Variants in TOX3 observed in about 807,000 individuals in gnomAD.
TOX3 encodes TOX high mobility group box family member 3.
TOX3 carries 22 observed loss-of-function variants against 64.3 expected under a neutral mutation model. The ratio of observed to expected loss-of-function variants is 0.34; its 90% CI spans 0.24 to 0.49. The LOEUF is 0.49. Among genes scored for constraint, TOX3 ranks in the 20% least tolerant of loss-of-function variants. The pLI is 0.99. For missense variants in TOX3, 661 were observed against 714.4 expected (o/e 0.93, Z 0.85); for synonymous variants, 291 against 273.6 (o/e 1.06, Z -0.63).
intron 1 of TOX3, among the ~76,000 whole-genome samples, chr16:52,483,236 T>C (rs1212424949): frequency 6.6e-6 from 1 of 152,184 alleles, no homozygotes; most frequent in Non-Finnish European, 1.5e-5. Flanking sequence ...GTGGTGACAC[T>C]GAATATCTTA....
At chr16:52,546,573 G>C (rs569629114) in intron 1 of TOX3, 64 bp downstream of exon 1, 1 of 1,460,752 alleles carries the variant, frequency 6.8e-7, no homozygotes, top group South Asian at 1.3e-5. Context: ...GAGCCCGAGC[G>C]CGGGGCGCGC....
chr16:52,531,116 T>C (rs545734879), intron 1 of TOX3, among the ~76,000 whole-genome samples: 8 of 152,224 alleles, frequency 5.3e-5, no homozygotes, highest in African/African-American at 1.7e-4. Flanking sequence ...AAAGCCAGGA[T>C]TGGGGAGGAT....
At chr16:52,546,120 C>G (rs936713027) in intron 1 of TOX3, among the ~76,000 whole-genome samples, 4 of 152,046 alleles carry the variant, frequency 2.6e-5, no homozygotes, top group African/African-American at 7.2e-5. Flanking sequence ...CACTTCCCCC[C>G]ACTCCCCTGT....
chr16:52,438,986 A>T lies in TOX3; in HGVS notation c.*239T>A. ...TATAGCCTGAATAAATAAAAAAGGC[A>T]TCACATAAAAGAGCACAGCTTTTCT... On this transcript the variant is annotated 3_prime_UTR_variant, in exon 7 of 7. Transcript: ENST00000219746. 1.4e-6 allele frequency: 1 copy of T among 693,936 alleles called. No homozygotes were observed. Among genetic ancestry groups the T allele is most frequent in the Non-Finnish European group, 2.6e-6 (1 of 378,510 alleles). 43.0% of individuals were successfully genotyped at this position (693,936 alleles called of 1,614,324 possible).
intron 1 of TOX3, among the ~76,000 whole-genome samples, chr16:52,514,952 A>G (rs1465304631): frequency 7.5e-6 from 1 of 134,058 alleles, no homozygotes; most frequent in African/African-American, 2.8e-5. Flanking sequence ...TGGAGGTTGC[A>G]GTGAGCCAAG....
rs568242113 is a variant in TOX3, at chr16:52,439,730, G to A, written c.1226C>T (p.Ser409Leu). The A allele has an allele frequency of 1.2e-5, 19 of 1,613,958 alleles. No homozygotes were observed. The highest frequency in any genetic ancestry group is 1.6e-4 in the Middle Eastern group (1 of 6,062). ...TSVTIAANMPSNIGAPLISSM... is the reference protein window; with the variant it reads ...TSVTIAANMPLNIGAPLISSM... Reference sequence around the variant, plus strand: ...GCTTATCAGTGGAGCCCCAATGTTCGAGGGCATGTTGGCTGCAATGGTGAC... The same window carrying A: ...GCTTATCAGTGGAGCCCCAATGTTCAAGGGCATGTTGGCTGCAATGGTGAC... The change falls in exon 7 of 7, where the codon TCG becomes TTG. Residue 409 changes from serine to leucine, a missense_variant. By Grantham distance (145) the Ser-to-Leu change is moderately radical. Around this residue, in one of 3 missense-constraint regions of TOX3, gnomAD observed 299 missense variants for 292.1 expected, o/e 1.02. Transcript: ENST00000219746.
At chr16:52,440,984 G>C (rs1257385231) in intron 6 of TOX3, among the ~76,000 whole-genome samples, 1 of 151,738 alleles carries the variant, frequency 6.6e-6, no homozygotes, top group Admixed American at 6.6e-5. Context: ...GGATGGTCTT[G>C]ATCTCCTGAC....
Position 52,546,982 on chromosome 16 carries a change from C to A in TOX3, c.-259G>T. 1.0e-6 allele frequency: 1 copy of A among 975,866 alleles called. No individual in the cohort carries two copies. Among genetic ancestry groups the A allele is most frequent in the South Asian group, 4.6e-5 (1 of 21,800 alleles). 60.5% of individuals were successfully genotyped at this position (975,866 alleles called of 1,614,324 possible). ...CCGCCGGGGCACCGAGGCAGCGCTG[C>A]GCGCGGGCCGGGCGCCGGGGGCGCG... On this transcript the variant is annotated 5_prime_UTR_variant, in exon 1 of 7. Coordinates refer to ENST00000219746, the MANE Select transcript of TOX3 (RefSeq NM_001080430.4).
chr16:52,531,168 C>T (rs1217380134), intron 1 of TOX3, among the ~76,000 whole-genome samples: 2 of 152,036 alleles, frequency 1.3e-5, no homozygotes, highest in Non-Finnish European at 2.9e-5. Context: ...GGCTTTTATG[C>T]CACCAAGAAA....
intron 1 of TOX3, among the ~76,000 whole-genome samples, chr16:52,513,795 G>T (rs1962374879): frequency 1.3e-5 from 2 of 152,294 alleles, no homozygotes; most frequent in East Asian, 3.9e-4. Flanking sequence ...CCTAGTGATT[G>T]TGAATTTAAA....
At chr16:52,506,815 G>A (rs1567340977) in intron 1 of TOX3, among the ~76,000 whole-genome samples, 1 of 152,142 alleles carries the variant, frequency 6.6e-6, no homozygotes, top group Non-Finnish European at 1.5e-5. Context: ...TTAGAGCTCT[G>A]ACTCTCCTTA....
intron 5 of TOX3, chr16:52,445,150 A>T (rs958810308): frequency 6.6e-6 from 1 of 152,252 alleles, no homozygotes; most frequent in Non-Finnish European, 1.5e-5. Context: ...CAAACTAAAA[A>T]GAAATTTCTA....
intron 4 of TOX3, among the ~76,000 whole-genome samples, chr16:52,448,898 C>T (rs2151744891): frequency 6.6e-6 from 1 of 152,300 alleles, no homozygotes; most frequent in East Asian, 1.9e-4. Context: ...CTCATGTTCC[C>T]CATGGGGGAG....
At chr16:52,532,836 G>C (rs1962879150) in intron 1 of TOX3, among the ~76,000 whole-genome samples, 1 of 152,122 alleles carries the variant, frequency 6.6e-6, no homozygotes, top group Non-Finnish European at 1.5e-5. Flanking sequence ...AGGGAACCAG[G>C]AACATGGGGG....
At chr16:52,495,250 G>T (rs1961812813) in intron 1 of TOX3, among the ~76,000 whole-genome samples, 1 of 152,172 alleles carries the variant, frequency 6.6e-6, no homozygotes, top group Non-Finnish European at 1.5e-5. Context: ...AAACAGAAGA[G>T]CTTCCTAATT....
chr16:52,447,977 G>A (rs1295532587), intron 4 of TOX3, among the ~76,000 whole-genome samples: 1 of 152,116 alleles, frequency 6.6e-6, no homozygotes, highest in Admixed American at 6.5e-5. Flanking sequence ...AATAAGAGGA[G>A]TTCAATTTCA....
At chr16:52,546,012 G>A in intron 1 of TOX3, among the ~76,000 whole-genome samples, 1 of 152,182 alleles carries the variant, frequency 6.6e-6, no homozygotes, top group East Asian at 1.9e-4. Flanking sequence ...TGAGAGGAAA[G>A]AAGCCACTTA....
intron 1 of TOX3, among the ~76,000 whole-genome samples, chr16:52,521,511 A>C (rs1230881132): frequency 1.3e-5 from 2 of 152,112 alleles, no homozygotes; most frequent in African/African-American, 4.8e-5. Context: ...TTTTACATAA[A>C]GCCCATTTTA....
intron 1 of TOX3, among the ~76,000 whole-genome samples, chr16:52,493,283 C>A (rs1359464525): frequency 6.6e-6 from 1 of 152,138 alleles, no homozygotes; most frequent in Non-Finnish European, 1.5e-5. Flanking sequence ...ATATGCATAG[C>A]CACACCTACA....
Sources: gnomAD v4.1 joint callset for allele counts (sites outside exome capture counted in the v4.1 genomes callset) on GRCh38, gnomAD v4.1.1 for gene constraint, gnomAD v4.1.1 regional missense constraint, MANE v1.5 for transcripts, NCBI Gene and HGNC (gene_info 2026-07-23, HGNC 2026-07-21) for gene names.